Variants in SETBP1 observed in about 807,000 individuals in gnomAD.
The protein encoded by SETBP1 is SET-binding protein.
SETBP1 carries 9 observed loss-of-function variants against 101.0 expected under a neutral mutation model. The observed-to-expected ratio is 0.09, with a 90% CI of 0.05 to 0.16. The LOEUF (loss-of-function observed/expected upper bound fraction) is 0.16. Among genes scored for constraint, SETBP1 ranks in the 10% least tolerant of loss-of-function variants. The probability of loss-of-function intolerance (pLI) is 1.00; values close to 1 mark genes in which losing one functional copy is unlikely to be tolerated. For missense variants in SETBP1, 1,858 were observed against 2,033.8 expected (o/e 0.91, Z 1.66); for synonymous variants, 818 against 788.5 (o/e 1.04, Z -0.63).
intron 4 of SETBP1, among the ~76,000 whole-genome samples, chr18:44,989,701 C>G (rs2072314864): frequency 6.6e-6 from 1 of 150,874 alleles, no homozygotes; most frequent in South Asian, 2.1e-4. Context: ...AACCCCGTCT[C>G]TACTAAAAAT....
chr18:44,972,862 C>A (rs1030848026), intron 4 of SETBP1, among the ~76,000 whole-genome samples: 2 of 152,166 alleles, frequency 1.3e-5, no homozygotes, highest in African/African-American at 4.8e-5. Context: ...GTTGAATACC[C>A]TTTATTTCCT....
At chr18:45,005,945 CTTT>C (rs1032603185) in intron 4 of SETBP1, among the ~76,000 whole-genome samples, 2 of 103,154 alleles carry the variant, frequency 1.9e-5, no homozygotes, top group Non-Finnish European at 3.8e-5. Flanking sequence ...TGCACCCGGC[CTTT>C]TTTTTTTTTT....
intron 3 of SETBP1, among the ~76,000 whole-genome samples, chr18:44,910,023 A>G (rs1281039850): frequency 1.3e-5 from 2 of 152,178 alleles, no homozygotes; most frequent in Admixed American, 6.5e-5. Flanking sequence ...ATGAATTCCT[A>G]TTGCATTCTT....
At chr18:44,753,558 C>T in intron 2 of SETBP1, among the ~76,000 whole-genome samples, 1 of 152,230 alleles carries the variant, frequency 6.6e-6, no homozygotes, top group East Asian at 1.9e-4. Context: ...TTCAGTCTCC[C>T]ACACCCAAGG....
chr18:44,758,716 C>A (rs1184160375), intron 2 of SETBP1, among the ~76,000 whole-genome samples: 2 of 152,210 alleles, frequency 1.3e-5, no homozygotes, highest in African/African-American at 4.8e-5. Flanking sequence ...CTGCTGATTT[C>A]ATAAATCACA....
chr18:45,024,708 C>G (rs943078166), intron 4 of SETBP1, among the ~76,000 whole-genome samples: 5 of 152,194 alleles, frequency 3.3e-5, no homozygotes, highest in Admixed American at 6.5e-5. Context: ...AGACATCATC[C>G]AAATCAGACT....
chr18:44,896,229 T>G (rs1599290454), intron 3 of SETBP1, among the ~76,000 whole-genome samples: 1 of 152,110 alleles, frequency 6.6e-6, no homozygotes, highest in African/African-American at 2.4e-5. Flanking sequence ...GGCTTGGAGG[T>G]CCACTGTTCT....
intron 4 of SETBP1, among the ~76,000 whole-genome samples, chr18:45,024,509 G>A (rs1387086936): frequency 2.0e-5 from 3 of 151,982 alleles, no homozygotes; most frequent in African/African-American, 7.3e-5. Flanking sequence ...AAGCCCCACC[G>A]AGGGCTCTTC....
At chr18:44,966,665 G>T (rs990518388) in intron 4 of SETBP1, among the ~76,000 whole-genome samples, 1 of 152,146 alleles carries the variant, frequency 6.6e-6, no homozygotes, top group Non-Finnish European at 1.5e-5. Flanking sequence ...GTTGATCCTT[G>T]CAGACCACCA....
intron 3 of SETBP1, among the ~76,000 whole-genome samples, chr18:44,909,940 G>A (rs1172161740): frequency 2.6e-5 from 4 of 152,162 alleles, no homozygotes; most frequent in African/African-American, 9.7e-5. Flanking sequence ...ACTCTTAAGA[G>A]CAGTGGCCTA....
chr18:44,792,540 T>C (rs1325116928), intron 2 of SETBP1, among the ~76,000 whole-genome samples: 1 of 152,202 alleles, frequency 6.6e-6, no homozygotes, highest in Non-Finnish European at 1.5e-5. Context: ...AGAGCTGGCA[T>C]GTGTACTTTT....
intron 3 of SETBP1, among the ~76,000 whole-genome samples, chr18:44,918,281 G>T (rs532721167): frequency 5.3e-4 from 81 of 152,202 alleles, no homozygotes; most frequent in Non-Finnish European, 9.6e-4. Flanking sequence ...ATGGGGCAAG[G>T]GTCACTGGGG....
chr18:44,949,072 G>A (rs190628876), intron 3 of SETBP1, among the ~76,000 whole-genome samples: 14 of 152,272 alleles, frequency 9.2e-5, no homozygotes, highest in Admixed American at 2.6e-4. Flanking sequence ...CAATAAGTAC[G>A]TAATACGAAG....
intron 2 of SETBP1, among the ~76,000 whole-genome samples, chr18:44,740,344 C>G (rs2070068745): frequency 6.6e-6 from 1 of 152,156 alleles, no homozygotes; most frequent in Admixed American, 6.5e-5. Flanking sequence ...GGGGAGGAGA[C>G]AGCAAGAAAG....
rs533613651 is a variant in SETBP1, at chr18:44,728,590, A to G, written c.486+26758A>G. ...GTCATTTGCCTTTAAGAATCAGACA[A>G]GCTTGAGTCAGATAGGCAAATAAAA... is the stretch of plus-strand genomic sequence containing the variant. On this transcript the variant is annotated intron_variant, in intron 2 of 5. Coordinates refer to ENST00000649279, the MANE Select transcript of SETBP1 (RefSeq NM_015559.3). 2.0e-5 allele frequency among the ~76,000 whole-genome samples: 3 copies of G among 152,364 alleles called. No homozygotes were observed. In the South Asian group the frequency reaches 6.2e-4, roughly 32 times the overall value.
At chr18:44,820,533 G>C (rs554137334) in intron 2 of SETBP1, among the ~76,000 whole-genome samples, 1 of 152,090 alleles carries the variant, frequency 6.6e-6, no homozygotes, top group Non-Finnish European at 1.5e-5. Flanking sequence ...TGAGACCTGG[G>C]GTTCTTTTCT....
intron 2 of SETBP1, among the ~76,000 whole-genome samples, chr18:44,803,966 AT>A (rs971223083): frequency 2.6e-5 from 4 of 151,848 alleles, no homozygotes; most frequent in South Asian, 2.1e-4. Flanking sequence ...TATTGGAACT[AT>A]TTTTTTTCTC....
At chr18:44,720,158 C>A (rs1660151209) in intron 2 of SETBP1, among the ~76,000 whole-genome samples, 1 of 152,108 alleles carries the variant, frequency 6.6e-6, no homozygotes, top group African/African-American at 2.4e-5. Context: ...GCTTAAGAAG[C>A]AAGAATTTTA....
intron 4 of SETBP1, among the ~76,000 whole-genome samples, chr18:44,975,191 A>G (rs1255341832): frequency 1.3e-5 from 2 of 152,214 alleles, no homozygotes; most frequent in Non-Finnish European, 2.9e-5. Context: ...TGAGAAAGAA[A>G]TTTATGATTA....
Sources: allele counts gnomAD v4.1 joint callset (sites outside exome capture counted in the v4.1 genomes callset), GRCh38; gene constraint gnomAD v4.1.1; transcripts MANE v1.5; gene names NCBI Gene and HGNC (gene_info 2026-07-23, HGNC 2026-07-21).